Variants in TTC7A observed in about 807,000 individuals in gnomAD.
The protein encoded by TTC7A is tetratricopeptide repeat protein 7A.
In TTC7A, 110 loss-of-function variants were observed where a neutral mutation model predicts 103.7. The observed-to-expected ratio is 1.06, with a 90% CI of 0.91 to 1.24. The LOEUF (loss-of-function observed/expected upper bound fraction) is 1.24, where lower values mean the gene tolerates loss of function less well. Among genes scored for constraint, TTC7A ranks in the 50% most tolerant of loss-of-function variants. TTC7A has a pLI of 0.00. For synonymous variants in TTC7A, 521 were observed against 467.9 expected (o/e 1.11, Z -1.47); for missense variants, 1,340 against 1,116.3 (o/e 1.20, Z -2.86).
intron 19 of TTC7A, among the ~76,000 whole-genome samples, chr2:47,072,301 C>T (rs750946146): frequency 1.3e-5 from 2 of 152,220 alleles, no homozygotes; most frequent in African/African-American, 2.4e-5. Flanking sequence ...TTCCTTGCTA[C>T]GGCTTTGCCC....
intron 11 of TTC7A, among the ~76,000 whole-genome samples, chr2:47,012,900 C>T (rs981063475): frequency 2.6e-5 from 4 of 152,156 alleles, no homozygotes; most frequent in Non-Finnish European, 4.4e-5. Context: ...GCATCTGGCT[C>T]GTGTTCTTTA....
At chr2:46,946,286 G>T (rs190189725) in intron 1 of TTC7A, among the ~76,000 whole-genome samples, 1 of 152,210 alleles carries the variant, frequency 6.6e-6, no homozygotes, top group Non-Finnish European at 1.5e-5. Context: ...ATGCCCCTGG[G>T]TAGAGAGAAG....
At chr2:46,993,814 G>A (rs186121560) in intron 6 of TTC7A, among the ~76,000 whole-genome samples, 1 of 152,284 alleles carries the variant, frequency 6.6e-6, no homozygotes, top group East Asian at 1.9e-4. Flanking sequence ...ACCACCACTA[G>A]CAAGGTGCTA....
chr2:46,967,606 A>G (rs1672974168), intron 3 of TTC7A, among the ~76,000 whole-genome samples: 1 of 152,192 alleles, frequency 6.6e-6, no homozygotes, highest in South Asian at 2.1e-4. Flanking sequence ...CTGAAGGCTG[A>G]ATAATATTGT....
intron 3 of TTC7A, among the ~76,000 whole-genome samples, chr2:46,961,636 G>A (rs1003001642): frequency 2.0e-5 from 3 of 146,514 alleles, no homozygotes; most frequent in Admixed American, 6.9e-5. Flanking sequence ...TGGGTGCGGT[G>A]GCTCATGCCT....
At chr2:46,938,122 C>A (rs559079502), upstream of TTC7A, among the ~76,000 whole-genome samples, 2 of 152,152 alleles carry the variant, frequency 1.3e-5, no homozygotes, top group South Asian at 4.2e-4. Context: ...ATGGCCAGAT[C>A]TCCAAAACCT....
chr2:47,026,403 G>A (rs1167645565), intron 14 of TTC7A, among the ~76,000 whole-genome samples: 2 of 152,198 alleles, frequency 1.3e-5, no homozygotes, highest in East Asian at 1.9e-4. Context: ...TAAGGTGCCC[G>A]GGGAGAACTC....
chr2:47,060,503 C>G (rs999647770), intron 18 of TTC7A, among the ~76,000 whole-genome samples: 2 of 152,194 alleles, frequency 1.3e-5, no homozygotes, highest in Non-Finnish European at 2.9e-5. Context: ...AATGCTTGTT[C>G]TACAGGGTTT....
rs779549457 is a variant in TTC7A at position 47,006,650 on chromosome 2, C to A, written c.1213C>A (p.Arg405=). The A allele has an allele frequency of 1.2e-6, 2 of 1,613,958 alleles. No homozygotes were observed. Among genetic ancestry groups the A allele is most frequent in the South Asian group, 1.1e-5 (1 of 91,066 alleles). ...TATCTCCCCTCCCCAGTGCCTGGAG[C>A]GAGCCATGAAGTTTGCGTTTGGAGA... ...QYVMLSECLE[R]AMKFAFGEFH... Residue 405 remains arginine, a synonymous_variant, in exon 10 of 20, where the codon CGA becomes AGA. Coordinates refer to ENST00000319190, the MANE Select transcript of TTC7A (RefSeq NM_020458.4).
intron 3 of TTC7A, among the ~76,000 whole-genome samples, chr2:46,968,944 T>TG (rs1673106163): frequency 6.6e-6 from 1 of 151,704 alleles, no homozygotes; most frequent in South Asian, 2.1e-4. Flanking sequence ...GTTTTTTTTT[T>TG]TTTTTTAAGA....
chr2:47,063,938 G>A (rs916051350), intron 19 of TTC7A, among the ~76,000 whole-genome samples: 2 of 152,268 alleles, frequency 1.3e-5, no homozygotes, highest in Non-Finnish European at 2.9e-5. Context: ...CCCACTGGGA[G>A]TTGAAGACTT....
At chr2:46,929,842 T>C (rs909731248) in intron 2 of TTC7A, among the ~76,000 whole-genome samples, 2 of 152,182 alleles carry the variant, frequency 1.3e-5, no homozygotes, top group Admixed American at 1.3e-4. Context: ...TGTACAGAAG[T>C]GTTATGTGTC....
chr2:46,956,914 A>C lies in TTC7A; in HGVS notation c.424A>C (p.Ser142Arg). ...GGAGGGCTCATACCGAGATGCCATC[A>C]GCATGTACGCACGGGCCGGGATTGA... ...YVEGSYRDAI[S>R]MYARAGIDDM... Residue 142 changes from serine to arginine, a missense_variant, in exon 3 of 20, where the codon AGC (serine) becomes CGC (arginine). Coordinates refer to ENST00000319190, the MANE Select transcript of TTC7A (RefSeq NM_020458.4). 6.2e-7 allele frequency: 1 copy of C among 1,614,216 alleles called. No individual in the cohort carries two copies. The highest frequency in any genetic ancestry group is 8.5e-7 in the Non-Finnish European group (1 of 1,180,030).
rs949035070 is a variant in TTC7A, at chr2:46,950,370, T to G, written c.192T>G (p.Phe64Leu). The change falls in exon 2 of 20, where the codon TTT becomes TTG. Residue 64 changes from phenylalanine (F) to leucine (L), a missense_variant. Transcript: ENST00000319190. The part of the protein sequence containing the change: ...AAFTFPDTDD[F>L]GKLLLAEALL... Reference sequence around the variant, plus strand: ...CCCTACTTTGCTTTTCAGATGACTTTGGGAAATTGCTGCTGGCTGAGGCCC... The same window carrying G: ...CCCTACTTTGCTTTTCAGATGACTTGGGGAAATTGCTGCTGGCTGAGGCCC... The G allele has an allele frequency of 1.2e-6, 2 of 1,613,878 alleles. No individual in the cohort carries two copies. The highest frequency in any genetic ancestry group is 1.7e-6 in the Non-Finnish European group (2 of 1,179,984).
intron 19 of TTC7A, among the ~76,000 whole-genome samples, chr2:47,066,294 C>G (rs1408881560): frequency 1.3e-5 from 2 of 152,080 alleles, no homozygotes; most frequent in Non-Finnish European, 2.9e-5. Flanking sequence ...TGGGTATGGC[C>G]TCAGAGCCTC....
chr2:47,018,789 C>T (rs186833932), intron 11 of TTC7A, among the ~76,000 whole-genome samples: 1 of 152,204 alleles, frequency 6.6e-6, no homozygotes, highest in East Asian at 1.9e-4. Context: ...CCCAGCACCT[C>T]ATCCAGGGAG....
At chr2:47,072,721 G>A (rs1483626995) in intron 19 of TTC7A, among the ~76,000 whole-genome samples, 3 of 152,156 alleles carry the variant, frequency 2.0e-5, no homozygotes, top group Non-Finnish European at 2.9e-5. Context: ...AGGGCCCCCC[G>A]TGCTGTCATC....
intron 2 of TTC7A, among the ~76,000 whole-genome samples, chr2:46,953,001 T>A (rs1228899681): frequency 2.6e-5 from 4 of 152,230 alleles, no homozygotes; most frequent in African/African-American, 9.7e-5. Flanking sequence ...AGTAACCACA[T>A]GTATTGTGAC....
Position 46,934,787 on chromosome 2 carries a change from C to CT in TTC7A, c.83-15544dup, listed in dbSNP as rs1161003607. ...GGAATAAGGTATGAAGACTACTGCT[C>CT]TTTTTTTTTTTTTTTTTTTTTTTTT... On this transcript the variant is annotated intron_variant, in intron 2 of 20. Transcript: ENST00000409245. Among the ~76,000 whole-genome samples the CT allele has an allele frequency of 5.5e-3, 370 of 66,884 alleles. 42 individuals carry two copies. The highest frequency in any genetic ancestry group is 0.031 in the East Asian group (65 of 2,110). The allele number at this position is 66,884 out of a possible 152,430, so 43.9% of individuals were successfully genotyped here.
Sources: gnomAD v4.1 joint callset for allele counts (sites outside exome capture counted in the v4.1 genomes callset) on GRCh38, gnomAD v4.1.1 for gene constraint, MANE v1.5 for transcripts, NCBI Gene and HGNC (gene_info 2026-07-23, HGNC 2026-07-21) for gene names.